DLG2: variants seen among roughly 807,000 people sequenced by gnomAD.
DLG2 encodes discs large MAGUK scaffold protein 2, also known as disks large homolog 2.
DLG2 carries 45 observed loss-of-function variants against 132.5 expected under a neutral mutation model. That is an observed-to-expected ratio of 0.34 (90% CI 0.27 to 0.44). The LOEUF is 0.44. Ranked by LOEUF, DLG2 falls within the 20% of genes least tolerant of loss-of-function variation. The pLI is 1.00. For missense variants in DLG2, 1,045 were observed against 1,196.9 expected, an observed-to-expected ratio of 0.87 and a Z score of 1.87; for synonymous variants, 424 against 419.6, an observed-to-expected ratio of 1.01 and a Z score of -0.13.
chr11:83,466,951 G>C (rs2091144748), intron 25 of DLG2, 134 bp from the exon 26 acceptor site: 2 of 600,396 alleles, frequency 3.3e-6, no homozygotes, highest in African/African-American at 3.7e-5. Flanking sequence ...AAAGATCACT[G>C]CAAAGAGTAA....
intron 6 of DLG2, among the ~76,000 whole-genome samples, chr11:85,070,208 C>T (rs1190183238): frequency 4.6e-5 from 7 of 151,390 alleles, no homozygotes; most frequent in Non-Finnish European, 8.9e-5. Context: ...ATGTAAATGA[C>T]GAGTTAATGG....
At chr11:84,987,669 A>G (rs2056645601) in intron 6 of DLG2, among the ~76,000 whole-genome samples, 1 of 152,230 alleles carries the variant, frequency 6.6e-6, no homozygotes, top group Non-Finnish European at 1.5e-5. Context: ...AAAGTGGGGA[A>G]AAGACACCCT....
At chr11:85,043,512 C>A (rs1458921561) in intron 6 of DLG2, among the ~76,000 whole-genome samples, 1 of 151,698 alleles carries the variant, frequency 6.6e-6, no homozygotes, top group African/African-American at 2.4e-5. Context: ...AAATACATAA[C>A]AACAGAAGAT....
At chr11:84,484,741 A>G (rs749010942) in intron 7 of DLG2, among the ~76,000 whole-genome samples, 5 of 152,148 alleles carry the variant, frequency 3.3e-5, no homozygotes, top group Non-Finnish European at 7.4e-5. Flanking sequence ...GGAGCTTGAT[A>G]AGTTCAAAAA....
chr11:83,498,712 T>C (rs746179847), intron 21 of DLG2, among the ~76,000 whole-genome samples: 1 of 146,836 alleles, frequency 6.8e-6, no homozygotes, highest in Non-Finnish European at 1.5e-5. Context: ...GAACAGAAAT[T>C]AATGAAACAG....
chr11:84,273,948 T>C (rs1488603315), intron 7 of DLG2, among the ~76,000 whole-genome samples: 9 of 152,148 alleles, frequency 5.9e-5, no homozygotes, highest in Non-Finnish European at 1.0e-4. Flanking sequence ...AGAAGAACTT[T>C]ATGTTGCCTA....
chr11:84,490,224 G>A (rs372241774), intron 7 of DLG2, among the ~76,000 whole-genome samples: 32 of 152,158 alleles, frequency 2.1e-4, no homozygotes, highest in Middle Eastern at 3.4e-3. Context: ...ACTGTTGTGA[G>A]GATTAAGTAA....
intron 6 of DLG2, among the ~76,000 whole-genome samples, chr11:84,995,727 T>A (rs911722963): frequency 6.6e-6 from 1 of 152,002 alleles, no homozygotes; most frequent in Admixed American, 6.6e-5. Context: ...CAATTTTTTT[T>A]TAAAAAAAAA....
At chr11:84,576,019 C>G (rs185481083) in intron 6 of DLG2, among the ~76,000 whole-genome samples, 1 of 152,194 alleles carries the variant, frequency 6.6e-6, no homozygotes, top group African/African-American at 2.4e-5. Context: ...CTGAAAATCT[C>G]TTTTCTATAT....
intron 7 of DLG2, among the ~76,000 whole-genome samples, chr11:84,451,804 G>A (rs2099052366): frequency 6.6e-6 from 1 of 151,706 alleles, no homozygotes; most frequent in Non-Finnish European, 1.5e-5. Context: ...GAAAAATAAA[G>A]CAGATAAATG....
intron 6 of DLG2, among the ~76,000 whole-genome samples, chr11:84,904,126 T>C (rs886381091): frequency 1.3e-5 from 2 of 152,132 alleles, no homozygotes; most frequent in African/African-American, 4.8e-5. Flanking sequence ...AAAATTGGCA[T>C]CATATACCCT....
chr11:83,728,215 C>T (rs993699806), intron 18 of DLG2, among the ~76,000 whole-genome samples: 1 of 152,168 alleles, frequency 6.6e-6, no homozygotes, highest in African/African-American at 2.4e-5. Flanking sequence ...CAGAGGACTC[C>T]TTCTAAAATG....
At chr11:85,177,706 G>A (rs180788247) in intron 4 of DLG2, among the ~76,000 whole-genome samples, 2 of 152,134 alleles carry the variant, frequency 1.3e-5, no homozygotes, top group Admixed American at 1.3e-4. Flanking sequence ...TGTCTCTTAT[G>A]AGATTCTTAT....
chr11:85,351,042 G>A (rs1318499493), intron 3 of DLG2, among the ~76,000 whole-genome samples: 1 of 152,116 alleles, frequency 6.6e-6, no homozygotes, highest in African/African-American at 2.4e-5. Context: ...TATCCATGAG[G>A]ATGGAATTTT....
chr11:84,701,274 G>A (rs1276420798), intron 6 of DLG2, among the ~76,000 whole-genome samples: 2 of 151,394 alleles, frequency 1.3e-5, no homozygotes, highest in Non-Finnish European at 3.0e-5. Context: ...ACCTGAATTT[G>A]AATCTCAGCC....
chr11:83,791,890 G>A lies in DLG2; in HGVS notation c.1723-5098C>T, dbSNP rs1341160705. Among the ~76,000 whole-genome samples, 4 of 152,196 alleles carry A rather than the reference G, an allele frequency of 2.6e-5. No individual in the cohort carries two copies. In the East Asian group the frequency reaches 7.7e-4, roughly 29 times the overall value. On this transcript the variant is annotated intron_variant, in intron 17 of 27. Coordinates refer to ENST00000376104, the MANE Select transcript of DLG2 (RefSeq NM_001142699.3). ...CTCCAGCTTGTGTGTACTTTTTAAA[G>A]ATTCACTATATGCACATGCAAGCAC...
rs553049122 is a variant in DLG2, at chr11:85,281,859, A to G, written c.186+3361T>C. Among the ~76,000 whole-genome samples the G allele has an allele frequency of 2.4e-4, 36 of 152,100 alleles. 1 individual carries two copies. Among genetic ancestry groups the G allele is most frequent in the African/African-American group, 8.4e-4 (35 of 41,534 alleles). The stretch of plus-strand genomic sequence containing the variant: ...TGATTCAGCAATTCCACTGCTGGGT[A>G]TATATCTAAAATAAAGAAATTCAGT... On this transcript the variant is annotated intron_variant, in intron 4 of 27. Coordinates refer to ENST00000376104, the MANE Select transcript of DLG2 (RefSeq NM_001142699.3).
intron 6 of DLG2, among the ~76,000 whole-genome samples, chr11:84,558,413 T>C (rs1299023253): frequency 6.6e-6 from 1 of 152,162 alleles, no homozygotes; most frequent in East Asian, 1.9e-4. Flanking sequence ...CACATGCTTC[T>C]TTCCTAAAAA....
chr11:85,128,330 C>A (rs183907384), intron 5 of DLG2, among the ~76,000 whole-genome samples: 5 of 152,026 alleles, frequency 3.3e-5, no homozygotes, highest in Admixed American at 3.3e-4. Flanking sequence ...ACAATTTTAT[C>A]TTCAGAGAAA....
Sources: gnomAD v4.1 joint callset for allele counts (sites outside exome capture counted in the v4.1 genomes callset) on GRCh38, gnomAD v4.1.1 for gene constraint, MANE v1.5 for transcripts, NCBI Gene and HGNC (gene_info 2026-07-23, HGNC 2026-07-21) for gene names.